COL4A6: variants seen among roughly 807,000 people sequenced by gnomAD.
COL4A6 encodes collagen alpha-6(IV) chain.
COL4A6 carries 59 observed loss-of-function variants against 126.7 expected under a neutral mutation model. The observed-to-expected ratio is 0.47, with a 90% CI of 0.38 to 0.58. The LOEUF (loss-of-function observed/expected upper bound fraction) is 0.58. Among genes scored for constraint, COL4A6 ranks in the 20% least tolerant of loss-of-function variants. The probability of loss-of-function intolerance (pLI) is 0.00; values close to 1 mark genes in which losing one functional copy is unlikely to be tolerated. For synonymous variants in COL4A6, 547 were observed against 496.6 expected (o/e 1.10, Z -1.35); for missense variants, 1,285 against 1,337.3 (o/e 0.96, Z 0.61).
Position 108,170,708 on chromosome X carries a change from C to T in COL4A6, c.3394G>A (p.Gly1132Arg). 1.7e-6 allele frequency: 2 copies of T among 1,206,259 alleles called. No homozygotes were observed. Among genetic ancestry groups the T allele is most frequent in the Non-Finnish European group, 2.2e-6 (2 of 892,903 alleles). Reference sequence around the variant, plus strand: ...GGTTCTCCTCTCATGCCGGCAACTCCTGGAAATCCTAAATGTGAAACCAAG... The same window carrying T: ...GGTTCTCCTCTCATGCCGGCAACTCTTGGAAATCCTAAATGTGAAACCAAG... ...VGLPGAPGFP[G>R]VAGMRGEPGL... is the part of the protein sequence containing the mutation. Residue 1132 changes from glycine to arginine, a missense_variant, in exon 35 of 45, where the codon GGA becomes AGA. Physicochemically the swap from Gly to Arg is moderately radical, Grantham distance 125. Coordinates refer to ENST00000334504, the MANE Select transcript of COL4A6 (RefSeq NM_033641.4).
intron 2 of COL4A6, among the ~76,000 whole-genome samples, chrX:108,372,554 C>T (rs1373832488): frequency 8.9e-6 from 1 of 111,826 alleles, no homozygotes; most frequent in Non-Finnish European, 1.9e-5. Flanking sequence ...TGCCTCAAAA[C>T]CAGTTTTCTG....
chrX:108,178,780 G>C lies in COL4A6; in HGVS notation c.2419C>G (p.Gln807Glu), dbSNP rs906574509. The change falls in exon 27 of 45, where the codon CAG becomes GAG. Residue 807 changes from glutamine (Q) to glutamate (E), a missense_variant. Gln to Glu is a conservative substitution (Grantham distance 29). Coordinates refer to ENST00000334504, the MANE Select transcript of COL4A6 (RefSeq NM_033641.4). ...CCTGGGGTGCCTGGCTGTCCCACCTGTCCTGGTGTCCCAGGGCTGCCCCGC... is the reference window on the plus strand; with the variant it reads ...CCTGGGGTGCCTGGCTGTCCCACCTCTCCTGGTGTCCCAGGGCTGCCCCGC... ...GERGSPGTPG[Q>E]VGQPGTPGSS... 5.8e-6 allele frequency: 7 copies of C among 1,209,876 alleles called. No homozygotes were observed. Among genetic ancestry groups the C allele is most frequent in the Non-Finnish European group, 7.8e-6 (7 of 895,137 alleles).
intron 2 of COL4A6, among the ~76,000 whole-genome samples, chrX:108,378,643 C>A (rs772086637): frequency 8.9e-6 from 1 of 112,586 alleles, no homozygotes; most frequent in Non-Finnish European, 1.9e-5. Flanking sequence ...TTGTATGCCA[C>A]TTCCAGGTAT....
chrX:108,251,830 T>C (rs2036856734), intron 3 of COL4A6, among the ~76,000 whole-genome samples: 1 of 111,763 alleles, frequency 8.9e-6, no homozygotes, highest in Admixed American at 9.5e-5. Flanking sequence ...CTACTTGCCT[T>C]TTTTAAAAGT....
chrX:108,189,416 C>T (rs2034967044), intron 20 of COL4A6, among the ~76,000 whole-genome samples: 1 of 111,969 alleles, frequency 8.9e-6, no homozygotes. Context: ...TTTTTAATAA[C>T]CTCCCCTGGG....
chrX:108,408,095 G>A (rs148803711), intron 2 of COL4A6, among the ~76,000 whole-genome samples: 2 of 111,320 alleles, frequency 1.8e-5, no homozygotes, highest in Non-Finnish European at 3.8e-5. Context: ...AGGATTGCTT[G>A]AGTCCAGGAG....
At chrX:108,246,303 T>C (rs1042465769) in intron 3 of COL4A6, among the ~76,000 whole-genome samples, 7 of 112,123 alleles carry the variant, frequency 6.2e-5, no homozygotes, top group Non-Finnish European at 1.3e-4. Context: ...CAGTTAAAGT[T>C]CTTGGCTGCA....
At chrX:108,262,199 T>C (rs1467600212) in intron 3 of COL4A6, among the ~76,000 whole-genome samples, 2 of 111,515 alleles carry the variant, frequency 1.8e-5, no homozygotes, top group Non-Finnish European at 3.8e-5. Flanking sequence ...TATATTTTCT[T>C]TGGCTGCCAT....
intron 3 of COL4A6, among the ~76,000 whole-genome samples, chrX:108,269,546 A>T (rs1266558322): frequency 9.0e-6 from 1 of 111,390 alleles, no homozygotes; most frequent in African/African-American, 3.3e-5. Context: ...CAGATTCACA[A>T]TTCAAGGGCC....
chrX:108,313,894 A>G (rs2038820483), intron 2 of COL4A6, among the ~76,000 whole-genome samples: 1 of 111,468 alleles, frequency 9.0e-6, no homozygotes, highest in African/African-American at 3.3e-5. Context: ...TGCAGTTGCT[A>G]TTAGTAAGTG....
At chrX:108,382,965 TAATAATA>T (rs2040592991) in intron 2 of COL4A6, among the ~76,000 whole-genome samples, 1 of 84,757 alleles carries the variant, frequency 1.2e-5, no homozygotes, top group South Asian at 5.0e-4. Context: ...CCGCCAAAAA[TAATAATA>T]ATAATAATAA....
At chrX:108,437,011 G>T (rs2064280484) in intron 2 of COL4A6, among the ~76,000 whole-genome samples, 1 of 111,381 alleles carries the variant, frequency 9.0e-6, no homozygotes, top group Non-Finnish European at 1.9e-5. Context: ...TCTATATAGG[G>T]AATGGCTTTG....
chrX:108,318,581 C>T (rs992863520), intron 2 of COL4A6, among the ~76,000 whole-genome samples: 1 of 111,423 alleles, frequency 9.0e-6, no homozygotes, highest in African/African-American at 3.3e-5. Context: ...ACACCAATAA[C>T]AGACAAACAG....
rs2034293526 is a variant in COL4A6, at chrX:108,171,288, T to C, written c.3277+99A>G. ...TAGATAGGAAATTTTCTGCACTGGA[T>C]AGAAGTTGCAGAACTTGGGGTTGAC... On this transcript the variant is annotated intron_variant, in intron 33 of 44. Coordinates refer to ENST00000334504, the MANE Select transcript of COL4A6 (RefSeq NM_033641.4). 8 of 691,665 alleles carry C rather than the reference T, an allele frequency of 1.2e-5. No individual in the cohort carries two copies. The South Asian group carries it at 2.0e-4, about 18-fold the overall frequency. The allele number at this position is 691,665 out of a possible 1,213,427, so 57.0% of individuals were successfully genotyped here.
At position 108,366,343 on chromosome X, in the gene COL4A6, G is replaced by A. The variant is rs183546100; in HGVS notation, c.64-55515C>T. Among the ~76,000 whole-genome samples the A allele has an allele frequency of 7.7e-4, 86 of 111,912 alleles. 3 individuals carry two copies. In the East Asian group the frequency reaches 0.023, roughly 30 times the overall value. On this transcript the variant is annotated intron_variant, in intron 2 of 44. Transcript: ENST00000334504. ...AAAACCAATTTTTATCACTACCACT[G>A]CAAAGTGATTTTGCATCACATCATG...
chrX:108,252,002 T>C (rs1324111578), intron 3 of COL4A6, among the ~76,000 whole-genome samples: 6 of 111,335 alleles, frequency 5.4e-5, no homozygotes, highest in African/African-American at 2.0e-4. Context: ...AAATCCTTTT[T>C]TCTAGCTATT....
At chrX:108,381,678 T>C (rs1329549542) in intron 2 of COL4A6, among the ~76,000 whole-genome samples, 1 of 111,565 alleles carries the variant, frequency 9.0e-6, no homozygotes, top group Non-Finnish European at 1.9e-5. Context: ...ATTAGAATAG[T>C]ACCTAGCACA....
chrX:108,383,925 A>T (rs1479191207), intron 2 of COL4A6: 14 of 724,856 alleles, frequency 1.9e-5, no homozygotes, highest in Admixed American at 3.3e-5. Context: ...ACCATGTGAT[A>T]AATCTATTCT....
At chrX:108,205,757 G>A (rs1454962893) in intron 9 of COL4A6, 62 bp from the exon 10 acceptor site, 12 of 994,263 alleles carry the variant, frequency 1.2e-5, no homozygotes, top group African/African-American at 1.9e-5. Flanking sequence ...AAAAGAACAC[G>A]GCATGTTGAG....
Sources: allele counts gnomAD v4.1 joint callset (sites outside exome capture counted in the v4.1 genomes callset), GRCh38; gene constraint gnomAD v4.1.1; transcripts MANE v1.5; gene names NCBI Gene and HGNC (gene_info 2026-07-23, HGNC 2026-07-21).